Variants in TEP1 observed in about 807,000 individuals in gnomAD.
TEP1 encodes telomerase associated protein 1.
TEP1 carries 241 observed loss-of-function variants against 306.3 expected under a neutral mutation model. That is an observed-to-expected ratio of 0.79 (90% CI 0.71 to 0.88). TEP1 has a LOEUF of 0.88. Ranked by LOEUF, TEP1 falls within the 40% of genes least tolerant of loss-of-function variation. The probability of loss-of-function intolerance (pLI) is 0.00; values close to 1 mark genes in which losing one functional copy is unlikely to be tolerated. For synonymous variants in TEP1, 1,289 were observed against 1,305.5 expected (o/e 0.99, Z 0.27); for missense variants, 3,051 against 3,276.1 (o/e 0.93, Z 1.68).
chr14:20,383,909 C>T lies in TEP1; in HGVS notation c.3544G>A (p.Val1182Met). 5 of 1,599,430 alleles carry T rather than the reference C, an allele frequency of 3.1e-6. No homozygotes were observed. Among genetic ancestry groups the T allele is most frequent in the Non-Finnish European group, 4.2e-6 (5 of 1,178,396 alleles). Reference sequence around the variant, plus strand: ...CCATCAGGAGCCTGCAGGGCTGACACAAGAGATGCCTGCATGGGACAGGAA... The same window carrying T: ...CCATCAGGAGCCTGCAGGGCTGACATAAGAGATGCCTGCATGGGACAGGAA... ...QGKTAFLASL[V>M]SALQAPDGAK... The change falls in exon 25 of 55, where the codon GTG (valine) becomes ATG (methionine). Residue 1182 changes from valine (V) to methionine (M), a missense_variant. Physicochemically the swap from Val to Met is conservative, Grantham distance 21. Around this residue, in one of 3 missense-constraint regions of TEP1, gnomAD observed 1,507 missense variants for 1,550.5 expected, o/e 0.97. Transcript: ENST00000262715.
intron 8 of TEP1, 21 bp from the exon 9 acceptor site, chr14:20,401,162 G>A (rs762003846): frequency 2.5e-6 from 4 of 1,612,620 alleles, no homozygotes; most frequent in Admixed American, 1.7e-5. Flanking sequence ...GTAAGAAAGA[G>A]GTCTATCATT....
chr14:20,377,154 G>T, intron 41 of TEP1, 126 bp downstream of exon 41: 2 of 734,334 alleles, frequency 2.7e-6, no homozygotes, highest in Non-Finnish European at 4.2e-6. Context: ...GGCAGAAGTT[G>T]CAGTGAGCCG....
At chr14:20,372,291 C>T (rs539474326) in intron 49 of TEP1, among the ~76,000 whole-genome samples, 1 of 152,172 alleles carries the variant, frequency 6.6e-6, no homozygotes, top group East Asian at 1.9e-4. Flanking sequence ...AACTCCTACT[C>T]ATTCTGTAAG....
chr14:20,401,976 GT>G (rs1417194723), intron 7 of TEP1, among the ~76,000 whole-genome samples: 1 of 152,168 alleles, frequency 6.6e-6, no homozygotes, highest in African/African-American at 2.4e-5. Flanking sequence ...GCTACGAGGA[GT>G]TTAAAAACTA....
At chr14:20,399,140 G>A (rs896526732) in intron 9 of TEP1, among the ~76,000 whole-genome samples, 29 of 152,220 alleles carry the variant, frequency 1.9e-4, no homozygotes, top group African/African-American at 6.3e-4. Flanking sequence ...TGATTTGCCC[G>A]CCCCAGCCTC....
At chr14:20,399,191 C>T (rs1332890602) in intron 9 of TEP1, among the ~76,000 whole-genome samples, 1 of 152,182 alleles carries the variant, frequency 6.6e-6, no homozygotes, top group African/African-American at 2.4e-5. Context: ...TGGTGCCTGG[C>T]CTCCAGTCAT....
intron 51 of TEP1, among the ~76,000 whole-genome samples, chr14:20,370,515 A>G (rs988562161): frequency 4.6e-5 from 7 of 152,220 alleles, no homozygotes; most frequent in Admixed American, 2.0e-4. Context: ...GTATTATTCC[A>G]TTCATCAGCA....
chr14:20,388,525 A>T (rs116638042), intron 17 of TEP1, among the ~76,000 whole-genome samples: 2,546 of 152,240 alleles, frequency 0.017, 63 homozygotes, highest in African/African-American at 0.056. Flanking sequence ...AGAGACAGAT[A>T]AAAAAAACGT....
Position 20,384,059 on chromosome 14 carries a change from T to C in TEP1, c.3513A>G (p.Gly1171=). 1.2e-6 allele frequency: 2 copies of C among 1,611,274 alleles called. No individual in the cohort carries two copies. The highest frequency in any genetic ancestry group is 1.7e-6 in the Non-Finnish European group (2 of 1,178,758). ...GRLSLVTGQS[G]QGKTAFLASL... is the part of the protein sequence containing the mutation. ...GTACCAGGAAGGCTGTCTTGCCCTG[T>C]CCTGACTGCCCCGTCACCAGGCTCA... The change falls in exon 24 of 55, where the codon GGA becomes GGG. Residue 1171 remains glycine, a synonymous_variant. Coordinates refer to ENST00000262715, the MANE Select transcript of TEP1 (RefSeq NM_007110.5).
chr14:20,380,521 A>C (rs761877966), intron 33 of TEP1, 46 bp from the exon 34 acceptor site: 3 of 1,574,458 alleles, frequency 1.9e-6, no homozygotes, highest in Non-Finnish European at 2.6e-6. Context: ...GCTGGACCCC[A>C]TTAGCCCCAG....
chr14:20,389,391 G>T, intron 16 of TEP1, 94 bp from the exon 17 acceptor site: 1 of 1,495,052 alleles, frequency 6.7e-7, no homozygotes. Flanking sequence ...CCCCACTTCT[G>T]CACCTTTAAT....
chr14:20,384,309 C>T (rs1342709222), intron 23 of TEP1, 77 bp from the exon 24 acceptor site: 30 of 1,608,716 alleles, frequency 1.9e-5, no homozygotes, highest in African/African-American at 2.7e-5. Context: ...ACAGAGCCCC[C>T]GCCAAGCTAC....
chr14:20,384,959 C>T (rs1941515814), intron 21 of TEP1, 26 bp downstream of exon 21: 1 of 1,613,948 alleles, frequency 6.2e-7, no homozygotes, highest in African/African-American at 1.3e-5. Context: ...GGGAAGGAGC[C>T]CCAGCCTGCA....
chr14:20,368,944 G>T, intron 53 of TEP1, 42 bp from the exon 54 acceptor site: 2 of 1,482,884 alleles, frequency 1.3e-6, no homozygotes, highest in Non-Finnish European at 1.9e-6. Context: ...AGTTCTCAGG[G>T]GCCCCTCCTC....
chr14:20,380,583 C>A (rs184316992), intron 33 of TEP1, 108 bp from the exon 34 acceptor site: 820 of 1,444,756 alleles, frequency 5.7e-4, no homozygotes, highest in Non-Finnish European at 6.9e-4. Flanking sequence ...CAAAGTGTGG[C>A]CCTCTGGCCC....
At chr14:20,412,143 T>C in intron 1 of TEP1, among the ~76,000 whole-genome samples, 1 of 152,132 alleles carries the variant, frequency 6.6e-6, no homozygotes, top group Non-Finnish European at 1.5e-5. Flanking sequence ...CAACAATATC[T>C]CACTGGACGT....
chr14:20,386,283 C>G, intron 19 of TEP1, 88 bp from the exon 20 acceptor site: 1 of 1,600,940 alleles, frequency 6.2e-7, no homozygotes, highest in South Asian at 1.1e-5. Context: ...GGGGCCCTGA[C>G]TCGCAACTGA....
intron 15 of TEP1, among the ~76,000 whole-genome samples, chr14:20,390,044 C>A (rs113888026): frequency 8.5e-5 from 13 of 152,066 alleles, no homozygotes; most frequent in Non-Finnish European, 1.9e-4. Flanking sequence ...AAATTGTATA[C>A]ATTTAAAAAA....
chr14:20,398,912 T>A (rs1174205920), intron 9 of TEP1, among the ~76,000 whole-genome samples: 1 of 152,096 alleles, frequency 6.6e-6, no homozygotes, highest in Non-Finnish European at 1.5e-5. Flanking sequence ...TTCTTTTTTT[T>A]TTTATTTTTG....
Sources: allele counts gnomAD v4.1 joint callset (sites outside exome capture counted in the v4.1 genomes callset), GRCh38; gene constraint gnomAD v4.1.1; regional missense constraint gnomAD v4.1.1; transcripts MANE v1.5; gene names NCBI Gene and HGNC (gene_info 2026-07-23, HGNC 2026-07-21).